FKBP5: variants seen among roughly 807,000 people sequenced by gnomAD.
FKBP5 encodes the protein FKBP prolyl isomerase 5.
A neutral mutation model predicts 50.5 loss-of-function variants in FKBP5; 23 were observed. That is an observed-to-expected ratio of 0.46 (90% CI 0.33 to 0.65). FKBP5 has a LOEUF of 0.65. Among genes scored for constraint, FKBP5 ranks in the 30% least tolerant of loss-of-function variants. The pLI, the probability that FKBP5 is intolerant of heterozygous loss-of-function variation, is 0.02. For synonymous variants in FKBP5, 176 were observed against 190.6 expected, an observed-to-expected ratio of 0.92 and a Z score of 0.63; for missense variants, 411 against 553.1, an observed-to-expected ratio of 0.74 and a Z score of 2.58.
At position 35,598,464 on chromosome 6, in the gene FKBP5, C is replaced by A. The variant is rs1426548338; in HGVS notation, c.509-1060G>T. ...TCTCGAACTCCTGACCTCAGGTGAT[C>A]CACCCGCCTCAGCCTCCCAAAGCGC... On this transcript the variant is annotated intron_variant, in intron 5 of 10. Coordinates refer to ENST00000357266, the MANE Select transcript of FKBP5 (RefSeq NM_004117.4). 3.3e-5 allele frequency among the ~76,000 whole-genome samples: 5 copies of A among 151,850 alleles called. No homozygotes were observed. In the South Asian group the frequency reaches 6.3e-4, roughly 19 times the overall value.
At chr6:35,721,180 C>T (rs1766603192) in intron 1 of FKBP5, among the ~76,000 whole-genome samples, 1 of 151,850 alleles carries the variant, frequency 6.6e-6, no homozygotes, top group African/African-American at 2.4e-5. Flanking sequence ...GGTGAAACCC[C>T]GTCTCTACTA....
intron 2 of FKBP5, among the ~76,000 whole-genome samples, chr6:35,698,640 C>T (rs1156845083): frequency 1.3e-5 from 2 of 151,954 alleles, no homozygotes; most frequent in Non-Finnish European, 2.9e-5. Context: ...AAGACTCCAT[C>T]TCAAAAAATA....
chr6:35,685,592 ATAGAT>A (rs1765798857), intron 1 of FKBP5, among the ~76,000 whole-genome samples: 1 of 152,244 alleles, frequency 6.6e-6, no homozygotes, highest in Non-Finnish European at 1.5e-5. Flanking sequence ...TATGTATAAT[ATAGAT>A]TATTCTTTAG....
At chr6:35,627,656 TTA>T (rs1330317260) in intron 3 of FKBP5, among the ~76,000 whole-genome samples, 2 of 152,212 alleles carry the variant, frequency 1.3e-5, no homozygotes, top group African/African-American at 2.4e-5. Flanking sequence ...GTACAGTAAT[TTA>T]TGTTTAATTG....
intron 10 of FKBP5, 150 bp downstream of exon 10, chr6:35,576,844 C>A: frequency 1.1e-6 from 1 of 948,702 alleles, no homozygotes; most frequent in Non-Finnish European, 1.6e-6. Context: ...CCCTACTCGA[C>A]CTTTGGATCC....
chr6:35,689,492 T>C (rs1765940479), upstream of FKBP5, among the ~76,000 whole-genome samples: 1 of 152,074 alleles, frequency 6.6e-6, no homozygotes. Flanking sequence ...ATACTTTCTC[T>C]TGGCTTGCTA....
intron 2 of FKBP5, among the ~76,000 whole-genome samples, chr6:35,641,992 C>CAAAATAAAAT (rs373570754): frequency 0.022 from 3,073 of 140,370 alleles, 65 homozygotes; most frequent in Non-Finnish European, 0.022. Context: ...GACTCTGTCT[C>CAAAATAAAAT]AAAATAAAAT....
chr6:35,613,656 CT>C (rs1763560897), intron 5 of FKBP5, among the ~76,000 whole-genome samples: 1 of 152,168 alleles, frequency 6.6e-6, no homozygotes, highest in African/African-American at 2.4e-5. Context: ...TTAGGGTAAT[CT>C]TTTTTCTCCT....
chr6:35,667,271 C>T (rs907792437), intron 1 of FKBP5, among the ~76,000 whole-genome samples: 1 of 152,042 alleles, frequency 6.6e-6, no homozygotes. Flanking sequence ...AAGCATTGTG[C>T]CTGATACTGA....
chr6:35,609,102 TTAA>T (rs1381580273), intron 5 of FKBP5, among the ~76,000 whole-genome samples: 1 of 152,214 alleles, frequency 6.6e-6, no homozygotes, highest in Non-Finnish European at 1.5e-5. Context: ...TGTTTCATTA[TTAA>T]TATTACTTCT....
intron 1 of FKBP5, among the ~76,000 whole-genome samples, chr6:35,667,041 G>A (rs1365279013): frequency 6.6e-6 from 1 of 150,828 alleles, no homozygotes; most frequent in Admixed American, 6.6e-5. Context: ...GTGTGTGTGT[G>A]TGTGTGTGTG....
intron 2 of FKBP5, among the ~76,000 whole-genome samples, chr6:35,704,247 C>T (rs1400943017): frequency 6.6e-6 from 1 of 152,198 alleles, no homozygotes; most frequent in Non-Finnish European, 1.5e-5. Flanking sequence ...AAAGGAGCTC[C>T]AGGCCCACAG....
intron 3 of FKBP5, among the ~76,000 whole-genome samples, chr6:35,633,858 A>C (rs1162594802): frequency 6.6e-6 from 1 of 152,172 alleles, no homozygotes; most frequent in African/African-American, 2.4e-5. Flanking sequence ...ACACACCACA[A>C]GGAACAGGGA....
chr6:35,629,956 T>TA (rs1193731095), intron 3 of FKBP5, among the ~76,000 whole-genome samples: 1 of 152,008 alleles, frequency 6.6e-6, no homozygotes, highest in East Asian at 1.9e-4. Context: ...AAACTGCATG[T>TA]AAAAAAAAGT....
At chr6:35,664,617 C>G (rs2151001104) in intron 1 of FKBP5, 1 of 154,260 alleles carries the variant, frequency 6.5e-6, no homozygotes, top group South Asian at 2.0e-4. Flanking sequence ...CCTGGGCATT[C>G]TTTCATCCCA....
chr6:35,714,976 C>T (rs1007906890), intron 2 of FKBP5, among the ~76,000 whole-genome samples: 3 of 151,928 alleles, frequency 2.0e-5, no homozygotes, highest in Admixed American at 1.3e-4. Context: ...CGCACGATGT[C>T]GGCTCACTGC....
intron 5 of FKBP5, chr6:35,607,537 G>A (rs1763360554): frequency 6.6e-6 from 1 of 152,230 alleles, no homozygotes; most frequent in South Asian, 2.1e-4. Context: ...TAATAGCAAA[G>A]ACACGGAGTC....
chr6:35,683,130 G>A (rs71569307), intron 1 of FKBP5, among the ~76,000 whole-genome samples: 6 of 74,136 alleles, frequency 8.1e-5, no homozygotes, highest in African/African-American at 3.0e-4. Context: ...ATGTGTGTGT[G>A]TGTGTGTGTG....
chr6:35,680,941 T>C (rs562901559), intron 1 of FKBP5, among the ~76,000 whole-genome samples: 4 of 152,374 alleles, frequency 2.6e-5, no homozygotes, highest in African/African-American at 9.6e-5. Flanking sequence ...GTTTGCCTTG[T>C]AGGCAGTTCT....
Sources: gnomAD v4.1 joint callset for allele counts (sites outside exome capture counted in the v4.1 genomes callset) on GRCh38, gnomAD v4.1.1 for gene constraint, MANE v1.5 for transcripts, NCBI Gene and HGNC (gene_info 2026-07-23, HGNC 2026-07-21) for gene names.